The following WNK2 variants were observed in gnomAD, a reference collection of about 807,000 sequenced individuals.
The protein encoded by WNK2 is WNK lysine deficient protein kinase 2, also known as serine/threonine-protein kinase WNK2.
In WNK2, 67 loss-of-function variants were observed where a neutral mutation model predicts 192.1. That is an observed-to-expected ratio of 0.35 (90% CI 0.29 to 0.43). WNK2 has a LOEUF of 0.43. Ranked by LOEUF, WNK2 falls within the 20% of genes least tolerant of loss-of-function variation. The pLI, the probability that WNK2 is intolerant of heterozygous loss-of-function variation, is 1.00. For missense variants in WNK2, 2,698 were observed against 3,089.7 expected, an observed-to-expected ratio of 0.87 and a Z score of 3.01; for synonymous variants, 1,439 against 1,393.9, an observed-to-expected ratio of 1.03 and a Z score of -0.72.
intron 15 of WNK2, 64 bp from the exon 16 acceptor site, chr9:93,263,843 TTGGGGGTGTG>T (rs1844732427): frequency 5.2e-6 from 3 of 581,794 alleles, no homozygotes; most frequent in East Asian, 3.9e-5. Flanking sequence ...GGAGGGGTAC[TTGGGGGTGTG>T]TGGGGGTGTG....
At position 93,284,807 on chromosome 9, in the gene WNK2, G is replaced by C. The variant is rs75861205; in HGVS notation, c.4034-3981G>C. The stretch of plus-strand genomic sequence containing the variant: ...ATATGTATAAGGAAGTGTCATGGTG[G>C]TGTCACAAACACTTTATTTTTCATT... On this transcript the variant is annotated intron_variant, in intron 19 of 29. Transcript: ENST00000427277. Among the ~76,000 whole-genome samples the C allele has an allele frequency of 8.6e-3, 1,304 of 152,320 alleles. 23 individuals are homozygous for C. Among genetic ancestry groups the C allele is most frequent in the African/African-American group, 0.03 (1,233 of 41,558 alleles).
At chr9:93,306,848 G>A (rs757675103) in intron 27 of WNK2, 27 bp downstream of exon 27, 1 of 1,613,588 alleles carries the variant, frequency 6.2e-7, no homozygotes, top group Non-Finnish European at 8.5e-7. Flanking sequence ...TTTCCCCTTT[G>A]TCCTCTCTCA....
intron 19 of WNK2, among the ~76,000 whole-genome samples, chr9:93,279,049 T>A (rs573145012): frequency 1.3e-5 from 2 of 152,210 alleles, no homozygotes; most frequent in East Asian, 3.9e-4. Flanking sequence ...CCGAAAAGCA[T>A]CCCCCAAAGA....
intron 2 of WNK2, among the ~76,000 whole-genome samples, chr9:93,189,679 G>A (rs535232488): frequency 2.2e-4 from 33 of 152,312 alleles, no homozygotes; most frequent in Admixed American, 4.6e-4. Context: ...TCTCCCAGCC[G>A]CTGGCAGCCC....
intron 29 of WNK2, 21 bp from the exon 30 acceptor site, chr9:93,320,330 GTGGGCCCACAGTCAGC>G (rs1564258130): frequency 7.3e-7 from 1 of 1,367,356 alleles, no homozygotes; most frequent in South Asian, 1.1e-5. Flanking sequence ...CAGCACTGCG[GTGGGCCCACAGTCAGC>G]TGCGCGGTTT....
At chr9:93,222,478 C>T (rs13301530) in intron 2 of WNK2, among the ~76,000 whole-genome samples, 23,501 of 152,102 alleles carry the variant, frequency 0.15, 1,889 homozygotes, top group South Asian at 0.28. Context: ...GGGAAGAGTC[C>T]AGTGCCGCCG....
chr9:93,257,975 C>G lies in WNK2; in HGVS notation c.2382+836C>G, dbSNP rs1176545758. ...GTGATAAGACTGGAAGTGTGCTTCA[C>G]TCTAAAGATGGGGCAAGTGAGTGTT... On this transcript the variant is annotated intron_variant, in intron 11 of 29. Coordinates refer to ENST00000427277, the MANE Select transcript of WNK2 (RefSeq NM_006648.4). This position sits in a 1 kb window ranked among gnomAD's most constrained non-coding sequence, Gnocchi z 4.7. Among the ~76,000 whole-genome samples the G allele has an allele frequency of 6.6e-6, 1 of 152,234 alleles. No homozygotes were observed. Among genetic ancestry groups the G allele is most frequent in the Admixed American group, 6.5e-5 (1 of 15,286 alleles).
rs186491313 is a variant in WNK2, at chr9:93,306,366, T to C, written c.6215-411T>C. On this transcript the variant is annotated intron_variant, in intron 26 of 29. Transcript: ENST00000427277. ...CCAAGCCCAGCTGTGCCCAGCTCCATTCCAGAGCTCCCGTGGCCGACTCAG... is the reference window on the plus strand; with the variant it reads ...CCAAGCCCAGCTGTGCCCAGCTCCACTCCAGAGCTCCCGTGGCCGACTCAG... Among the ~76,000 whole-genome samples, 37 of 152,284 alleles carry C rather than the reference T, an allele frequency of 2.4e-4. No individual in the cohort carries two copies. In the East Asian group the frequency reaches 7.1e-3, roughly 29 times the overall value.
intron 19 of WNK2, among the ~76,000 whole-genome samples, chr9:93,272,318 G>T (rs933513811): frequency 6.6e-6 from 1 of 152,184 alleles, no homozygotes; most frequent in East Asian, 1.9e-4. Context: ...CAAATGGAAG[G>T]TAAACTACTA....
At chr9:93,297,452 G>A (rs1052934378) in intron 23 of WNK2, among the ~76,000 whole-genome samples, 1 of 152,230 alleles carries the variant, frequency 6.6e-6, no homozygotes, top group Non-Finnish European at 1.5e-5. Context: ...CCCTGTGGAG[G>A]AAATAACACA....
At chr9:93,317,734 A>C in intron 29 of WNK2, 103 bp downstream of exon 29, 1 of 1,491,880 alleles carries the variant, frequency 6.7e-7, no homozygotes. Context: ...TGGGCAGGCC[A>C]GGTGGGCCAG....
intron 2 of WNK2, among the ~76,000 whole-genome samples, chr9:93,200,601 G>A (rs1483946705): frequency 6.6e-6 from 1 of 152,192 alleles, no homozygotes; most frequent in African/African-American, 2.4e-5. Flanking sequence ...AGTGAACTTG[G>A]CACCCTCGTT....
At chr9:93,201,714 G>A (rs1328943890) in intron 2 of WNK2, among the ~76,000 whole-genome samples, 1 of 152,210 alleles carries the variant, frequency 6.6e-6, no homozygotes, top group Non-Finnish European at 1.5e-5. Context: ...CCCGTGTCCT[G>A]AGAAAGAGCC....
At chr9:93,293,289 A>T in intron 23 of WNK2, 116 bp downstream of exon 23, 17 of 902,504 alleles carry the variant, frequency 1.9e-5, no homozygotes, top group South Asian at 2.4e-5. Context: ...GCCCACTTGG[A>T]GCTGCCAAGC....
At chr9:93,314,042 G>C (rs1485056611) in intron 28 of WNK2, among the ~76,000 whole-genome samples, 1 of 151,814 alleles carries the variant, frequency 6.6e-6, no homozygotes, top group Non-Finnish European at 1.5e-5. Context: ...AGGCTGAGGC[G>C]GGTGGATCAC....
chr9:93,268,716 C>G lies in WNK2; in HGVS notation c.4003C>G (p.Leu1335Val). 1.2e-6 allele frequency: 2 copies of G among 1,613,246 alleles called. No individual in the cohort carries two copies. The highest frequency in any genetic ancestry group is 1.7e-6 in the Non-Finnish European group (2 of 1,179,766). The change falls in exon 19 of 30, where the codon CTA (leucine) becomes GTA (valine). Residue 1335 changes from leucine (L) to valine (V), a missense_variant. By Grantham distance (32) the Leu-to-Val change is conservative. Coordinates refer to ENST00000427277, the MANE Select transcript of WNK2 (RefSeq NM_006648.4). ...EAPESSPPLP[L>V]SSLPPEASQD... Reference sequence around the variant, plus strand: ...CCCTGAATCTTCGCCCCCACTTCCTCTAAGCTCCCTGCCGCCAGAAGCCAG... The same window carrying G: ...CCCTGAATCTTCGCCCCCACTTCCTGTAAGCTCCCTGCCGCCAGAAGCCAG...
At position 93,185,133 on chromosome 9, in the gene WNK2, G is replaced by T; in HGVS notation, c.204G>T (p.Pro68=). ...EAAEAPGPQP[P]QPLQRRVLLL... is the part of the protein sequence containing the mutation. ...CCGAGGCGCCGGGCCCGCAGCCCCC[G>T]CAGCCCCTGCAGCGCCGGGTGCTTC... Residue 68 remains proline (P), a synonymous_variant, in exon 2 of 30, where the codon CCG becomes CCT. Transcript: ENST00000427277. 1.5e-6 allele frequency: 2 copies of T among 1,302,752 alleles called. No homozygotes were observed. Among genetic ancestry groups the T allele is most frequent in the South Asian group, 3.8e-5 (2 of 52,282 alleles). 80.7% of individuals were successfully genotyped at this position (1,302,752 alleles called of 1,614,324 possible).
Position 93,292,905 on chromosome 9 carries a change from C to T in WNK2, c.5440C>T (p.Pro1814Ser), listed in dbSNP as rs1201425573. ...PVSSDSGDEGPRARPPVQKQA... is the reference protein window; with the variant it reads ...PVSSDSGDEGSRARPPVQKQA... ...GTCCAGCGACTCTGGGGACGAGGGC[C>T]CTCGGGCGAGACCCCCGGTGCAGAA... Residue 1814 changes from proline (P) to serine (S), a missense_variant, in exon 23 of 30, where the codon CCT becomes TCT. Physicochemically the swap from Pro to Ser is moderately conservative, Grantham distance 74 (BLOSUM62 -1). Coordinates refer to ENST00000427277, the MANE Select transcript of WNK2 (RefSeq NM_006648.4). The T allele has an allele frequency of 2.6e-6, 4 of 1,521,982 alleles. No homozygotes were observed. In the South Asian group the frequency reaches 3.8e-5, roughly 14 times the overall value. 94.3% of individuals were successfully genotyped at this position (1,521,982 alleles called of 1,614,324 possible).
intron 2 of WNK2, among the ~76,000 whole-genome samples, chr9:93,225,444 C>T (rs1837647041): frequency 6.6e-6 from 1 of 152,122 alleles, no homozygotes; most frequent in African/African-American, 2.4e-5. Flanking sequence ...TTAAAATAGT[C>T]GTGTGGTGTA....
Sources: allele counts gnomAD v4.1 joint callset (sites outside exome capture counted in the v4.1 genomes callset), GRCh38; gene constraint gnomAD v4.1.1; non-coding constraint Gnocchi (gnomAD v3.1); transcripts MANE v1.5; gene names NCBI Gene and HGNC (gene_info 2026-07-23, HGNC 2026-07-21).